The following RBFOX1 variants were observed in gnomAD, a reference collection of about 807,000 sequenced individuals.
The protein encoded by RBFOX1 is RNA binding fox-1 homolog 1, also known as RNA binding protein fox-1 homolog 1.
Under a neutral mutation model 57.7 loss-of-function variants are expected in RBFOX1, and 8 were observed. The observed-to-expected ratio is 0.14, with a 90% CI of 0.08 to 0.25. The LOEUF (loss-of-function observed/expected upper bound fraction) is 0.25. RBFOX1 is among the 10% of genes least tolerant of loss of function. RBFOX1 has a pLI of 1.00. For synonymous variants in RBFOX1, 326 were observed against 222.4 expected (o/e 1.47, Z -4.15); for missense variants, 611 against 548.5 (o/e 1.11, Z -1.14).
intron 3 of RBFOX1, among the ~76,000 whole-genome samples, chr16:6,941,315 C>CTTCT (rs1391388978): frequency 1.7e-4 from 19 of 111,632 alleles, no homozygotes; most frequent in African/African-American, 6.5e-4. Context: ...TCCTTCCTTC[C>CTTCT]TTCCTTCCTT....
At chr16:5,975,561 C>T (rs540690331) in intron 4 of RBFOX1, among the ~76,000 whole-genome samples, 1 of 152,186 alleles carries the variant, frequency 6.6e-6, no homozygotes, top group Non-Finnish European at 1.5e-5. Context: ...TTCACAGGCA[C>T]TGCTGTTTGT....
intron 2 of RBFOX1, among the ~76,000 whole-genome samples, chr16:6,534,257 ATGTGTG>A (rs143116379): frequency 1.3e-4 from 20 of 149,448 alleles, no homozygotes; most frequent in African/African-American, 3.2e-4. Context: ...ATCAGTGTGT[ATGTGTG>A]TGTGTGTGTG....
intron 2 of RBFOX1, among the ~76,000 whole-genome samples, chr16:6,533,168 G>A (rs1418082420): frequency 6.6e-6 from 1 of 152,172 alleles, no homozygotes; most frequent in Non-Finnish European, 1.5e-5. Context: ...ACAAACCATG[G>A]AACTAGATGA....
chr16:6,980,139 C>A (rs576064095), intron 3 of RBFOX1, among the ~76,000 whole-genome samples: 4 of 152,134 alleles, frequency 2.6e-5, no homozygotes, highest in African/African-American at 9.7e-5. Context: ...ACCTGAGAAC[C>A]TTAATCCCTC....
rs181104400 is a variant in RBFOX1, at chr16:6,877,076, C to T, written c.-15-174981C>T. ...ATTTTGTGTTTGCTTCATAACTGGC[C>T]ATTTACTGGTGCTTAACAAGCATAG... On this transcript the variant is annotated intron_variant, in intron 3 of 15. Transcript: ENST00000550418. Among the ~76,000 whole-genome samples the T allele has an allele frequency of 8.4e-4, 128 of 152,250 alleles. 1 individual carries two copies. The Middle Eastern group carries it at 0.01, about 12-fold the overall frequency.
At chr16:7,693,521 C>G (rs988571796) in intron 14 of RBFOX1, among the ~76,000 whole-genome samples, 7 of 150,078 alleles carry the variant, frequency 4.7e-5, no homozygotes, top group African/African-American at 1.7e-4. Context: ...ACAGCTGAAG[C>G]CTTGAGGCTC....
intron 3 of RBFOX1, among the ~76,000 whole-genome samples, chr16:7,039,376 G>T (rs2045478540): frequency 6.6e-6 from 1 of 152,286 alleles, no homozygotes; most frequent in South Asian, 2.1e-4. Flanking sequence ...CTTCCCCAAG[G>T]TTAAGAGGAA....
chr16:6,948,375 CTTT>C (rs968186299), intron 3 of RBFOX1, among the ~76,000 whole-genome samples: 35 of 67,952 alleles, frequency 5.2e-4, no homozygotes, highest in African/African-American at 2.3e-3. Flanking sequence ...TTCTCCCTTT[CTTT>C]TTTTTTTTTT....
chr16:7,160,065 T>A (rs560414742), intron 4 of RBFOX1, among the ~76,000 whole-genome samples: 69 of 152,326 alleles, frequency 4.5e-4, no homozygotes, highest in African/African-American at 1.6e-3. Flanking sequence ...GCTGTAAATA[T>A]TCAAGGGACT....
At chr16:5,988,969 G>A (rs1209939651) in intron 4 of RBFOX1, among the ~76,000 whole-genome samples, 1 of 151,926 alleles carries the variant, frequency 6.6e-6, no homozygotes, top group African/African-American at 2.4e-5. Flanking sequence ...TGTGACCTTG[G>A]GTGAGTTGCT....
chr16:6,909,802 G>T (rs11077107), intron 3 of RBFOX1, among the ~76,000 whole-genome samples: 70,665 of 151,912 alleles, frequency 0.47, 17,012 homozygotes, highest in East Asian at 0.61. Flanking sequence ...TGCAGCCATC[G>T]GTCTTCTGTT....
At chr16:7,708,403 T>A (rs372700617) in intron 14 of RBFOX1, among the ~76,000 whole-genome samples, 10 of 152,312 alleles carry the variant, frequency 6.6e-5, no homozygotes, top group South Asian at 4.1e-4. Flanking sequence ...CATTAAGATT[T>A]GTTGTTTCAA....
intron 4 of RBFOX1, among the ~76,000 whole-genome samples, chr16:7,298,941 A>G (rs2095964657): frequency 6.6e-6 from 1 of 152,152 alleles, no homozygotes; most frequent in African/African-American, 2.4e-5. Context: ...GTATAGTTCA[A>G]ATCTGTGTTG....
At position 6,416,684 on chromosome 16, in the gene RBFOX1, C is replaced by T. The variant is rs185201689; in HGVS notation, c.-64+99627C>T. 9.7e-4 allele frequency among the ~76,000 whole-genome samples: 147 copies of T among 152,176 alleles called. 3 individuals are homozygous for T. Among genetic ancestry groups the T allele is most frequent in the African/African-American group, 3.3e-3 (137 of 41,536 alleles). On this transcript the variant is annotated intron_variant, in intron 2 of 15. Coordinates refer to ENST00000550418, the MANE Select transcript of RBFOX1 (RefSeq NM_018723.4). Reference sequence around the variant, plus strand: ...AGTCTAAGGGAGAATATGCCATTTCCACGCCCATGTTACTGCTGCATTCGC... The same window carrying T: ...AGTCTAAGGGAGAATATGCCATTTCTACGCCCATGTTACTGCTGCATTCGC...
At chr16:5,657,089 TAAAGTAAAATTTAGAAAAAAAAG>T (rs2049456132) in intron 3 of RBFOX1, among the ~76,000 whole-genome samples, 1 of 152,130 alleles carries the variant, frequency 6.6e-6, no homozygotes. Flanking sequence ...TCCCAGAACT[TAAAGTAAAATTTAGAAAAAAAAG>T]AAACAGTCTT....
chr16:5,553,406 C>G (rs751199650), intron 2 of RBFOX1, among the ~76,000 whole-genome samples: 1 of 151,838 alleles, frequency 6.6e-6, no homozygotes, highest in Non-Finnish European at 1.5e-5. Flanking sequence ...CACTCCGCCT[C>G]CCAGGTTCAT....
intron 4 of RBFOX1, among the ~76,000 whole-genome samples, chr16:7,436,839 A>G (rs1055516420): frequency 2.6e-5 from 4 of 152,220 alleles, no homozygotes; most frequent in Non-Finnish European, 4.4e-5. Context: ...AGGCAGGCGG[A>G]TCATCCTAAG....
chr16:5,722,688 C>T (rs1382773932), intron 3 of RBFOX1, among the ~76,000 whole-genome samples: 1 of 152,176 alleles, frequency 6.6e-6, no homozygotes, highest in African/African-American at 2.4e-5. Flanking sequence ...AGGACTTTCT[C>T]AAACATACCC....
At chr16:5,333,194 C>CAAAG (rs1413388628) in intron 1 of RBFOX1, among the ~76,000 whole-genome samples, 1 of 151,270 alleles carries the variant, frequency 6.6e-6, no homozygotes, top group Non-Finnish European at 1.5e-5. Flanking sequence ...TCTCAAAAAA[C>CAAAG]AAACAAAAAA....
Sources: allele counts gnomAD v4.1 joint callset (sites outside exome capture counted in the v4.1 genomes callset), GRCh38; gene constraint gnomAD v4.1.1; transcripts MANE v1.5; gene names NCBI Gene and HGNC (gene_info 2026-07-23, HGNC 2026-07-21).